NME7: variants seen among roughly 807,000 people sequenced by gnomAD.
NME7 encodes nucleoside diphosphate kinase 7.
In NME7, 41 loss-of-function variants were observed where a neutral mutation model predicts 49.1. The ratio of observed to expected loss-of-function variants is 0.83; its 90% CI spans 0.65 to 1.08. NME7 has a LOEUF of 1.08. NME7 is among the 50% of genes least tolerant of loss of function. The pLI, the probability that NME7 is intolerant of heterozygous loss-of-function variation, is 0.00. For missense variants in NME7, 423 were observed against 463.4 expected, an observed-to-expected ratio of 0.91 and a Z score of 0.80; for synonymous variants, 139 against 150.6, an observed-to-expected ratio of 0.92 and a Z score of 0.56.
Position 169,199,034 on chromosome 1 carries a change from C to CTAA in NME7, c.991-29483_991-29481dup, listed in dbSNP as rs895945970. 9.5e-4 allele frequency among the ~76,000 whole-genome samples: 145 copies of CTAA among 151,928 alleles called. 2 individuals carry two copies. The highest frequency in any genetic ancestry group is 3.7e-4 in the Non-Finnish European group (25 of 67,946). ...TGTATTTCGATTTCATAAAATGTGA[C>CTAA]TAATAATAATAATAATACTTAAACG... On this transcript the variant is annotated intron_variant, in intron 10 of 11. Coordinates refer to ENST00000367811, the MANE Select transcript of NME7 (RefSeq NM_013330.5).
chr1:169,336,007 T>C (rs1309820351), intron 1 of NME7, among the ~76,000 whole-genome samples: 1 of 151,940 alleles, frequency 6.6e-6, no homozygotes, highest in Non-Finnish European at 1.5e-5. Flanking sequence ...GCAGTGAGTG[T>C]TACAGCTCTT....
intron 1 of NME7, among the ~76,000 whole-genome samples, chr1:169,349,088 T>C (rs1306165207): frequency 2.0e-5 from 3 of 152,248 alleles, no homozygotes; most frequent in African/African-American, 7.2e-5. Flanking sequence ...AGATATTAAC[T>C]ATTAAGAAAA....
intron 11 of NME7, among the ~76,000 whole-genome samples, chr1:169,144,114 T>C (rs1044429396): frequency 6.6e-6 from 1 of 152,124 alleles, no homozygotes; most frequent in Non-Finnish European, 1.5e-5. Flanking sequence ...AGCTATGCTA[T>C]ATCAAATTCC....
intron 10 of NME7, among the ~76,000 whole-genome samples, chr1:169,191,570 T>C (rs1660231693): frequency 6.6e-6 from 1 of 152,194 alleles, no homozygotes; most frequent in Non-Finnish European, 1.5e-5. Flanking sequence ...ATAAAGACTT[T>C]TGCTTTTCAG....
chr1:169,305,148 T>C (rs1473021332), intron 4 of NME7, among the ~76,000 whole-genome samples: 1 of 152,230 alleles, frequency 6.6e-6, no homozygotes, highest in Non-Finnish European at 1.5e-5. Flanking sequence ...GAAACCACGA[T>C]GAGAGTTCAT....
chr1:169,246,402 A>G (rs1396173905), intron 7 of NME7, among the ~76,000 whole-genome samples: 3 of 152,202 alleles, frequency 2.0e-5, no homozygotes, highest in African/African-American at 2.4e-5. Context: ...ATGGATCTCA[A>G]ATTAATCCAT....
chr1:169,292,213 A>C (rs1650534410), intron 6 of NME7, among the ~76,000 whole-genome samples: 1 of 152,184 alleles, frequency 6.6e-6, no homozygotes, highest in Admixed American at 6.5e-5. Flanking sequence ...AAGTATAAAA[A>C]CTAAAACTAT....
intron 1 of NME7, among the ~76,000 whole-genome samples, chr1:169,340,528 TG>T (rs1240207803): frequency 1.3e-5 from 2 of 152,154 alleles, no homozygotes; most frequent in African/African-American, 4.8e-5. Context: ...CCTGACAATG[TG>T]GAAGCATCTT....
chr1:169,170,880 CTG>C (rs1175166474), intron 10 of NME7, among the ~76,000 whole-genome samples: 2 of 152,044 alleles, frequency 1.3e-5, no homozygotes, highest in East Asian at 3.9e-4. Flanking sequence ...TGAGCCGAGA[CTG>C]TGCATTGCAC....
In NME7 at chr1:169,177,127, C is replaced by T. The variant is rs770234378; in HGVS notation, c.991-7573G>A. Among the ~76,000 whole-genome samples, 14 of 152,086 alleles carry T rather than the reference C, an allele frequency of 9.2e-5. 1 individual carries two copies. Among genetic ancestry groups the T allele is most frequent in the Middle Eastern group, 3.2e-3 (1 of 316 alleles). ...ATAACATAATTACTATCCAGTCTTG[C>T]TTTACTATTTTAAAGAATCCTACAA... On this transcript the variant is annotated intron_variant, in intron 10 of 11. Coordinates refer to ENST00000367811, the MANE Select transcript of NME7 (RefSeq NM_013330.5).
In NME7 at chr1:169,355,055, A is replaced by G. The variant is rs1192788973; in HGVS notation, c.3+12653T>C. Among the ~76,000 whole-genome samples, 275 of 71,362 alleles carry G rather than the reference A, an allele frequency of 3.9e-3. 17 individuals are homozygous for G. Among genetic ancestry groups the G allele is most frequent in the African/African-American group, 0.015 (260 of 16,984 alleles). The allele number at this position is 71,362 out of a possible 152,430, so 46.8% of individuals were successfully genotyped here. A position where few individuals can be genotyped will look rare whatever the true frequency, so the allele number is the denominator to read the frequency against. On this transcript the variant is annotated intron_variant, in intron 1 of 11. Transcript: ENST00000367811. ...TTATATATTATAGATATAATATATA[A>G]TATACTATATATTATAGATATAATA... is the stretch of plus-strand genomic sequence containing the variant.
At chr1:169,169,644 T>C (rs1659520284) in intron 10 of NME7, 90 bp from the exon 11 acceptor site, 2 of 1,132,792 alleles carry the variant, frequency 1.8e-6, no homozygotes, top group African/African-American at 3.1e-5. Context: ...AACTTATTTA[T>C]GAAATACATG....
chr1:169,273,678 T>C (rs1366442617), intron 7 of NME7, among the ~76,000 whole-genome samples: 86 of 120,250 alleles, frequency 7.2e-4, no homozygotes, highest in Non-Finnish European at 9.4e-4. Context: ...GTTCTCATTG[T>C]TCAATTCCCA....
At chr1:169,158,282 C>T (rs1451413071) in intron 11 of NME7, among the ~76,000 whole-genome samples, 1 of 152,112 alleles carries the variant, frequency 6.6e-6, no homozygotes, top group Non-Finnish European at 1.5e-5. Flanking sequence ...AAATTAGGCA[C>T]AGTAAGAGAT....
intron 10 of NME7, among the ~76,000 whole-genome samples, chr1:169,212,478 G>C (rs1466077133): frequency 7.0e-6 from 1 of 141,900 alleles, no homozygotes; most frequent in African/African-American, 2.5e-5. Context: ...CATGTGCAGA[G>C]CAGCAAAAAT....
At chr1:169,341,641 T>C (rs917867441) in intron 1 of NME7, among the ~76,000 whole-genome samples, 2 of 152,108 alleles carry the variant, frequency 1.3e-5, no homozygotes, top group African/African-American at 2.4e-5. Context: ...AAAGCAGCCA[T>C]GGGGACTGTC....
At chr1:169,267,389 G>A (rs1649348738) in intron 7 of NME7, among the ~76,000 whole-genome samples, 1 of 133,266 alleles carries the variant, frequency 7.5e-6, no homozygotes. Flanking sequence ...ATGTACCAGT[G>A]ACATTCTTCA....
chr1:169,293,059 G>T (rs918320431), intron 6 of NME7, among the ~76,000 whole-genome samples: 3 of 152,020 alleles, frequency 2.0e-5, no homozygotes, highest in African/African-American at 7.2e-5. Flanking sequence ...ATTTTGGGAG[G>T]CCAAGAAGGA....
intron 10 of NME7, among the ~76,000 whole-genome samples, chr1:169,180,194 C>A (rs1001778746): frequency 1.3e-5 from 2 of 152,090 alleles, no homozygotes; most frequent in Admixed American, 6.6e-5. Context: ...TAAGATAATG[C>A]CCATAAAATG....
Sources: gnomAD v4.1 joint callset for allele counts (sites outside exome capture counted in the v4.1 genomes callset) on GRCh38, gnomAD v4.1.1 for gene constraint, MANE v1.5 for transcripts, NCBI Gene and HGNC (gene_info 2026-07-23, HGNC 2026-07-21) for gene names.